The following MGAT4C variants were observed in gnomAD, a reference collection of about 807,000 sequenced individuals.
MGAT4C encodes the protein alpha-1,3-mannosyl-glycoprotein 4-beta-N-acetylglucosaminyltransferase C.
In MGAT4C, 19 loss-of-function variants were observed where a neutral mutation model predicts 40.1. The observed-to-expected ratio is 0.47, with a 90% CI of 0.33 to 0.70. The LOEUF is 0.70. Ranked by LOEUF, MGAT4C falls within the 30% of genes least tolerant of loss-of-function variation. MGAT4C has a pLI of 0.02. For synonymous variants in MGAT4C, 181 were observed against 187.1 expected (o/e 0.97, Z 0.27); for missense variants, 491 against 563.2 (o/e 0.87, Z 1.30).
chr12:86,441,898 T>C (rs1474508096), intron 2 of MGAT4C, among the ~76,000 whole-genome samples: 2 of 151,994 alleles, frequency 1.3e-5, no homozygotes, highest in African/African-American at 4.8e-5. Context: ...CCTCAAGTTC[T>C]AGATCCTTGA....
intron 2 of MGAT4C, among the ~76,000 whole-genome samples, chr12:86,575,236 C>A (rs1233692869): frequency 9.4e-6 from 1 of 106,788 alleles, no homozygotes; most frequent in Admixed American, 1.1e-4. Context: ...CAATTGCATT[C>A]TTTATTTTAA....
At chr12:86,258,634 A>G (rs1482045962), upstream of MGAT4C, among the ~76,000 whole-genome samples, 1 of 152,106 alleles carries the variant, frequency 6.6e-6, no homozygotes, top group African/African-American at 2.4e-5. Context: ...TAAGGTACCT[A>G]GTAAAGAAAG....
At chr12:86,373,600 C>A (rs1211455560) in intron 3 of MGAT4C, among the ~76,000 whole-genome samples, 1 of 151,060 alleles carries the variant, frequency 6.6e-6, no homozygotes, top group African/African-American at 2.4e-5. Flanking sequence ...TATATTTTTC[C>A]AGTCTAAATA....
chr12:86,193,202 C>T (rs1209177410), intron 1 of MGAT4C, among the ~76,000 whole-genome samples: 1 of 148,972 alleles, frequency 6.7e-6, no homozygotes, highest in East Asian at 1.9e-4. Flanking sequence ...GATTATCTTT[C>T]TTAGAATGAA....
chr12:85,998,608 T>A (rs1288089626), intron 2 of MGAT4C, among the ~76,000 whole-genome samples: 1 of 152,148 alleles, frequency 6.6e-6, no homozygotes, highest in Non-Finnish European at 1.5e-5. Context: ...CAAAGTTCCA[T>A]AAATCTCTAA....
At chr12:86,619,989 C>T (rs77401253) in intron 2 of MGAT4C, among the ~76,000 whole-genome samples, 17,993 of 151,920 alleles carry the variant, frequency 0.12, 1,749 homozygotes, top group African/African-American at 0.27. Flanking sequence ...TGCCAAGAAA[C>T]GTGAATAAAA....
At chr12:86,009,240 A>G (rs1460083824) in intron 2 of MGAT4C, among the ~76,000 whole-genome samples, 1 of 152,194 alleles carries the variant, frequency 6.6e-6, no homozygotes, top group African/African-American at 2.4e-5. Context: ...TTACTCTCAG[A>G]AATAAGAATT....
intron 1 of MGAT4C, among the ~76,000 whole-genome samples, chr12:86,803,858 T>C (rs1279885451): frequency 7.9e-5 from 12 of 151,342 alleles, no homozygotes; most frequent in East Asian, 2.0e-4. Flanking sequence ...TTCAGTGTGG[T>C]GATTCCTCAG....
intron 1 of MGAT4C, among the ~76,000 whole-genome samples, chr12:86,195,918 A>G (rs1036787188): frequency 6.6e-6 from 1 of 152,118 alleles, no homozygotes; most frequent in African/African-American, 2.4e-5. Context: ...TGTTTCCCAT[A>G]TTATTCCCAT....
At chr12:86,355,972 C>T (rs1955300357) in intron 3 of MGAT4C, among the ~76,000 whole-genome samples, 1 of 152,070 alleles carries the variant, frequency 6.6e-6, no homozygotes. Flanking sequence ...ATGATAGCCA[C>T]TCCACAAAGA....
chr12:86,194,456 ATTTTT>A (rs763005541), intron 1 of MGAT4C, among the ~76,000 whole-genome samples: 15 of 142,798 alleles, frequency 1.1e-4, no homozygotes, highest in Non-Finnish European at 1.5e-5. Flanking sequence ...GAGCAAATCA[ATTTTT>A]TTTTTTTTTT....
In MGAT4C at chr12:85,967,381, T is replaced by C. The variant is rs1043560403; in HGVS notation, c.*11908A>G. The C allele has an allele frequency of 1.3e-5, 2 of 152,158 alleles. No homozygotes were observed. Among genetic ancestry groups the C allele is most frequent in the African/African-American group, 2.4e-5 (1 of 41,450 alleles). 9.4% of individuals were successfully genotyped at this position (152,158 alleles called of 1,614,324 possible). A position where few individuals can be genotyped will look rare whatever the true frequency, so the allele number is the denominator to read the frequency against. On this transcript the variant is annotated 3_prime_UTR_variant, in exon 5 of 5. Coordinates refer to ENST00000611864, the MANE Select transcript of MGAT4C (RefSeq NM_001351288.2). ...TTATCTTGAAGCTGTCAAATAATTA[T>C]AAGAAATCTCTATACATTACGTTTT...
At chr12:86,002,035 A>G (rs1219216609) in intron 2 of MGAT4C, 3 of 151,842 alleles carry the variant, frequency 2.0e-5, no homozygotes, top group Non-Finnish European at 2.9e-5. Context: ...ACTACCTTCA[A>G]TCTTCCCTTC....
intron 2 of MGAT4C, among the ~76,000 whole-genome samples, chr12:86,617,656 C>G (rs1962495047): frequency 6.6e-6 from 1 of 151,708 alleles, no homozygotes; most frequent in Non-Finnish European, 1.5e-5. Flanking sequence ...CCGCTGCACT[C>G]CAGCCTGGAA....
At chr12:86,402,261 C>T (rs762460693) in intron 3 of MGAT4C, among the ~76,000 whole-genome samples, 48 of 151,802 alleles carry the variant, frequency 3.2e-4, no homozygotes, top group Non-Finnish European at 6.3e-4. Context: ...TCCGTCTCTA[C>T]TAAAAATACA....
rs1882789124 is a variant in MGAT4C, at chr12:85,956,294, C to T, written c.*22995G>A. ...AATTGGCTGCCATCTGTGACACTGG[C>T]AGAAAACTGAAAGTGTTGATTTATT... is the stretch of plus-strand genomic sequence containing the variant. On this transcript the variant is annotated 3_prime_UTR_variant, in exon 5 of 5. Transcript: ENST00000611864. The T allele has an allele frequency of 6.6e-6, 1 of 152,152 alleles. No individual in the cohort carries two copies. Among genetic ancestry groups the T allele is most frequent in the Admixed American group, 6.5e-5 (1 of 15,270 alleles). 9.4% of individuals were successfully genotyped at this position (152,152 alleles called of 1,614,324 possible).
At chr12:86,155,750 T>C (rs1387216803) in intron 1 of MGAT4C, among the ~76,000 whole-genome samples, 1 of 152,122 alleles carries the variant, frequency 6.6e-6, no homozygotes, top group African/African-American at 2.4e-5. Flanking sequence ...TAAACTTATG[T>C]GTGTATGTAC....
chr12:86,495,344 T>C (rs1442161996), intron 2 of MGAT4C: 1 of 152,122 alleles, frequency 6.6e-6, no homozygotes, highest in Non-Finnish European at 1.5e-5. Flanking sequence ...GAGTTTGACA[T>C]TGTCTGTAAT....
chr12:86,024,182 C>T (rs899029601), intron 2 of MGAT4C, among the ~76,000 whole-genome samples: 7 of 151,816 alleles, frequency 4.6e-5, no homozygotes, highest in African/African-American at 7.2e-5. Context: ...TTTCCAGCTT[C>T]AGGTAATCAT....
Sources: allele counts gnomAD v4.1 joint callset (sites outside exome capture counted in the v4.1 genomes callset), GRCh38; gene constraint gnomAD v4.1.1; transcripts MANE v1.5; gene names NCBI Gene and HGNC (gene_info 2026-07-23, HGNC 2026-07-21).